The following ZNF407 variants were observed in gnomAD, a reference collection of about 807,000 sequenced individuals.
ZNF407 encodes the protein zinc finger protein 407.
In ZNF407, 17 loss-of-function variants were observed where a neutral mutation model predicts 131.2. The ratio of observed to expected loss-of-function variants is 0.13; its 90% CI spans 0.09 to 0.19. The LOEUF is 0.19. ZNF407 is among the 10% of genes least tolerant of loss of function. ZNF407 has a pLI of 1.00. For missense variants in ZNF407, 2,681 were observed against 2,830.6 expected, an observed-to-expected ratio of 0.95 and a Z score of 1.20; for synonymous variants, 1,156 against 1,062.0, an observed-to-expected ratio of 1.09 and a Z score of -1.72.
At chr18:74,974,774 T>C (rs962602135) in intron 8 of ZNF407, among the ~76,000 whole-genome samples, 1 of 152,208 alleles carries the variant, frequency 6.6e-6, no homozygotes, top group East Asian at 1.9e-4. Context: ...ATTATCACTT[T>C]AAGTATGGGG....
At chr18:74,704,269 A>G (rs890662770) in intron 3 of ZNF407, among the ~76,000 whole-genome samples, 1 of 152,242 alleles carries the variant, frequency 6.6e-6, no homozygotes, top group Non-Finnish European at 1.5e-5. Context: ...TCTTCGAAGC[A>G]TCTTGGCACA....
At chr18:74,862,341 T>C (rs1970949289) in intron 4 of ZNF407, among the ~76,000 whole-genome samples, 1 of 152,214 alleles carries the variant, frequency 6.6e-6, no homozygotes, top group East Asian at 1.9e-4. Context: ...TCCCTGGGTC[T>C]ACAGATGCTG....
intron 3 of ZNF407, among the ~76,000 whole-genome samples, chr18:74,722,088 A>T (rs1968051364): frequency 6.7e-6 from 1 of 149,468 alleles, no homozygotes; most frequent in Non-Finnish European, 1.5e-5. Context: ...CAGCTTGATT[A>T]TGATGTTTTG....
At chr18:74,827,425 C>T (rs555914779) in intron 4 of ZNF407, among the ~76,000 whole-genome samples, 4 of 151,604 alleles carry the variant, frequency 2.6e-5, no homozygotes, top group Non-Finnish European at 5.9e-5. Context: ...TATCAGTTTG[C>T]GCTCATCATT....
At chr18:75,059,326 A>G (rs1973597793) in intron 8 of ZNF407, among the ~76,000 whole-genome samples, 1 of 152,214 alleles carries the variant, frequency 6.6e-6, no homozygotes, top group South Asian at 2.1e-4. Flanking sequence ...TCCTGAGACT[A>G]CTGAAGAAGA....
At position 75,000,365 on chromosome 18, in the gene ZNF407, T is replaced by C. The variant is rs530676006; in HGVS notation, c.5429-62785T>C. 9.8e-5 allele frequency among the ~76,000 whole-genome samples: 15 copies of C among 152,370 alleles called. No homozygotes were observed. In the South Asian group the frequency reaches 3.1e-3, roughly 32 times the overall value. The stretch of plus-strand genomic sequence containing the variant: ...ACGGTTGTGAAAGTGTTTTGTAATT[T>C]GTAAATATACTAATATTATAATTGC... On this transcript the variant is annotated intron_variant, in intron 8 of 8. Transcript: ENST00000299687.
chr18:75,032,627 T>A (rs1973254726), intron 8 of ZNF407, among the ~76,000 whole-genome samples: 1 of 152,154 alleles, frequency 6.6e-6, no homozygotes, highest in Admixed American at 6.5e-5. Context: ...TTTAGCATAC[T>A]GGGTGTCCTC....
chr18:74,678,684 C>A (rs571777823), intron 3 of ZNF407, among the ~76,000 whole-genome samples: 4 of 152,110 alleles, frequency 2.6e-5, no homozygotes, highest in African/African-American at 9.7e-5. Flanking sequence ...GTCCTCAGCA[C>A]GAGGGTTGGT....
At chr18:74,936,041 A>C (rs1777375236) in intron 8 of ZNF407, among the ~76,000 whole-genome samples, 1 of 152,178 alleles carries the variant, frequency 6.6e-6, no homozygotes, top group Admixed American at 6.5e-5. Context: ...TTTAGATATA[A>C]TTCTGTGATG....
chr18:74,640,026 G>T, intron 2 of ZNF407, among the ~76,000 whole-genome samples: 4 of 152,122 alleles, frequency 2.6e-5, no homozygotes, highest in African/African-American at 9.6e-5. Context: ...ATTTCACCAT[G>T]TAAGTACTGA....
chr18:74,932,141 T>C (rs1321752495), intron 8 of ZNF407, among the ~76,000 whole-genome samples: 1 of 152,226 alleles, frequency 6.6e-6, no homozygotes, highest in Non-Finnish European at 1.5e-5. Context: ...TTATATATTT[T>C]CTTCTAGAAG....
chr18:74,634,354 C>G lies in ZNF407; in HGVS notation c.3335C>G (p.Ser1112Ter). 1 of 1,613,932 alleles carries G rather than the reference C, an allele frequency of 6.2e-7. No individual in the cohort carries two copies. ...QQNSEEFQIISGQPSDTLKSR... is the reference protein window; with the variant it reads ...QQNSEEFQII ...AATTCTGAGGAATTTCAAATAATTTCAGGTCAACCATCTGATACTCTTAAA... is the reference window on the plus strand; with the variant it reads ...AATTCTGAGGAATTTCAAATAATTTGAGGTCAACCATCTGATACTCTTAAA... Residue 1112 changes from serine (S) to a stop codon, truncating the protein, a stop_gained, in exon 2 of 9, where the codon TCA becomes TGA. Transcript: ENST00000299687. LOFTEE classifies it high-confidence loss of function.
chr18:74,719,620 A>G (rs183117753), intron 3 of ZNF407, among the ~76,000 whole-genome samples: 4 of 152,030 alleles, frequency 2.6e-5, no homozygotes, highest in South Asian at 4.2e-4. Context: ...AGCCAGGATG[A>G]TCTCGATCTC....
intron 4 of ZNF407, among the ~76,000 whole-genome samples, chr18:74,835,742 C>T (rs1484688488): frequency 6.6e-6 from 1 of 151,696 alleles, no homozygotes; most frequent in Non-Finnish European, 1.5e-5. Flanking sequence ...TGTAAATTTG[C>T]TCAACCAATA....
chr18:74,697,477 A>G (rs1451485568), intron 3 of ZNF407, among the ~76,000 whole-genome samples: 3 of 152,142 alleles, frequency 2.0e-5, no homozygotes, highest in African/African-American at 4.8e-5. Context: ...TTTTCCAGGC[A>G]TTGTCTCTGA....
At chr18:74,852,220 C>T (rs879709523) in intron 4 of ZNF407, among the ~76,000 whole-genome samples, 16 of 152,226 alleles carry the variant, frequency 1.1e-4, no homozygotes, top group African/African-American at 1.9e-4. Context: ...CGCGCACGCG[C>T]GCGCGCATTG....
At chr18:75,037,906 A>G (rs904546843) in intron 8 of ZNF407, among the ~76,000 whole-genome samples, 12 of 152,284 alleles carry the variant, frequency 7.9e-5, no homozygotes, top group Non-Finnish European at 1.2e-4. Flanking sequence ...CTTAGAAGTT[A>G]TACTCATTGG....
At chr18:75,020,344 A>G (rs570538060) in intron 8 of ZNF407, among the ~76,000 whole-genome samples, 2 of 151,486 alleles carry the variant, frequency 1.3e-5, no homozygotes, top group East Asian at 1.9e-4. Context: ...GTGTGTGTAT[A>G]TATATATAGG....
intron 4 of ZNF407, among the ~76,000 whole-genome samples, chr18:74,787,561 GT>G (rs1969743543): frequency 6.6e-6 from 1 of 152,148 alleles, no homozygotes; most frequent in Non-Finnish European, 1.5e-5. Context: ...TCTTGGTTGG[GT>G]TCCTCAGCTC....
Sources: allele counts gnomAD v4.1 joint callset (sites outside exome capture counted in the v4.1 genomes callset), GRCh38; gene constraint gnomAD v4.1.1; transcripts MANE v1.5; gene names NCBI Gene and HGNC (gene_info 2026-07-23, HGNC 2026-07-21).